PIK3IP1: variants seen among roughly 807,000 people sequenced by gnomAD.
The protein encoded by PIK3IP1 is phosphoinositide-3-kinase interacting protein 1.
A neutral mutation model predicts 30.7 loss-of-function variants in PIK3IP1; 28 were observed. The observed-to-expected ratio is 0.91, with a 90% confidence interval of 0.68 to 1.25. PIK3IP1 has a LOEUF of 1.25. Among genes scored for constraint, PIK3IP1 ranks in the 50% most tolerant of loss-of-function variants. PIK3IP1 has a pLI of 0.00. For synonymous variants in PIK3IP1, 159 were observed against 140.8 expected, an observed-to-expected ratio of 1.13 and a Z score of -0.91; for missense variants, 333 against 346.2, an observed-to-expected ratio of 0.96 and a Z score of 0.30.
chr22:31,283,418 G>A, intron 5 of PIK3IP1, 130 bp from the exon 6 acceptor site: 1 of 949,108 alleles, frequency 1.1e-6, no homozygotes, highest in Non-Finnish European at 1.6e-6. Flanking sequence ...GCTGAGCCAG[G>A]ACCCAAACTC....
intron 5 of PIK3IP1, among the ~76,000 whole-genome samples, chr22:31,286,524 G>C (rs1163151794): frequency 6.6e-6 from 1 of 152,194 alleles, no homozygotes; most frequent in Non-Finnish European, 1.5e-5. Context: ...TGATCTGGTC[G>C]TTAGTGACGG....
intron 5 of PIK3IP1, among the ~76,000 whole-genome samples, chr22:31,286,882 C>T (rs2049134461): frequency 6.6e-6 from 1 of 152,320 alleles, no homozygotes; most frequent in Non-Finnish European, 1.5e-5. Context: ...CCTGGACCTG[C>T]ATGTCAAGCA....
chr22:31,292,285 A>G lies in PIK3IP1; in HGVS notation c.60T>C (p.Tyr20=). 2 of 1,614,158 alleles carry G rather than the reference A, an allele frequency of 1.2e-6. No homozygotes were observed. The highest frequency in any genetic ancestry group is 1.7e-6 in the Non-Finnish European group (2 of 1,179,974). Residue 20 remains tyrosine (Y), a synonymous_variant, in exon 1 of 6, where the codon TAT becomes TAC. Transcript: ENST00000215912. ...AGATTGTAATCTCACCTCCAGATCC[A>G]TAGGCTTCTGCTAGGAGCATGTTGC... ...LVSNMLLAEA[Y]GSGGCFWDNG...
intron 1 of PIK3IP1, among the ~76,000 whole-genome samples, 173 bp from the exon 2 acceptor site, chr22:31,291,469 A>ACCCCCCCCCCCCCCCCCC (rs10558009): frequency 1.9e-5 from 2 of 104,692 alleles, no homozygotes; most frequent in African/African-American, 3.2e-5. Flanking sequence ...CGCCCCACGC[A>ACCCCCCCCCCCCCCCCCC]CCCCCCCCCC....
chr22:31,291,403 G>C (rs2049177836), intron 1 of PIK3IP1, 107 bp from the exon 2 acceptor site: 1 of 1,112,232 alleles, frequency 9.0e-7, no homozygotes, highest in Non-Finnish European at 1.3e-6. Flanking sequence ...CCTCAGCCTG[G>C]TTAGGGGACC....
At position 31,291,193 on chromosome 22, in the gene PIK3IP1, C is replaced by T. The variant is rs988343948; in HGVS notation, c.174G>A (p.Ser58=). 9.0e-6 allele frequency: 14 copies of T among 1,547,378 alleles called. No individual in the cohort carries two copies. The highest frequency in any genetic ancestry group is 1.2e-5 in the Non-Finnish European group (14 of 1,145,624). Residue 58 remains serine (S), a synonymous_variant, in exon 2 of 6, where the codon TCG becomes TCA. Transcript: ENST00000215912. The stretch of plus-strand genomic sequence containing the variant: ...GAGGACACTTACCCGACACGGGGGC[C>T]GAGGCCAGCCCGCTCTGCGCGTCCA... The part of the protein sequence containing the change: ...NWLDAQSGLA[S]APVSGAGNHS...
At chr22:31,288,143 G>A (rs144184706) in intron 5 of PIK3IP1, among the ~76,000 whole-genome samples, 99 of 152,206 alleles carry the variant, frequency 6.5e-4, no homozygotes, top group Non-Finnish European at 1.1e-3. Flanking sequence ...TTGGGAGGCT[G>A]AGGTAGGAGG....
In PIK3IP1 at chr22:31,289,620, C is replaced by G; in HGVS notation, c.387G>C (p.Gln129His). Residue 129 changes from glutamine to histidine, a missense_variant, in exon 4 of 6, where the codon CAG becomes CAC. Physicochemically the swap from Gln to His is conservative, Grantham distance 24. Around this residue, in one of 3 missense-constraint regions of PIK3IP1, gnomAD observed 217 missense variants for 227.7 expected, o/e 0.95. Coordinates refer to ENST00000215912, the MANE Select transcript of PIK3IP1 (RefSeq NM_052880.5). ...ASEGPGADEV[Q>H]VFAPANALPA... ...GCAGGGCGTTGGCAGGAGCGAACAC[C>G]TGCACCTCATCTGCACCTGGCCCTT... is the stretch of plus-strand genomic sequence containing the variant. 1 of 1,557,178 alleles carries G rather than the reference C, an allele frequency of 6.4e-7. No individual in the cohort carries two copies. The highest frequency in any genetic ancestry group is 8.7e-7 in the Non-Finnish European group (1 of 1,149,436).
intron 3 of PIK3IP1, 64 bp downstream of exon 3, chr22:31,290,901 C>G: frequency 3.4e-6 from 5 of 1,490,286 alleles, no homozygotes; most frequent in Middle Eastern, 2.4e-4. Context: ...ACGTGCGCCA[C>G]GAGTGTCTCA....
At chr22:31,284,407 G>A (rs1304263539) in intron 5 of PIK3IP1, among the ~76,000 whole-genome samples, 2 of 152,258 alleles carry the variant, frequency 1.3e-5, no homozygotes, top group Non-Finnish European at 2.9e-5. Flanking sequence ...GGTAAAGAAA[G>A]CAGATGCTGG....
chr22:31,289,314 C>G lies in PIK3IP1; in HGVS notation c.587+1G>C. 6.2e-7 allele frequency: 1 copy of G among 1,614,016 alleles called. No individual in the cohort carries two copies. Among genetic ancestry groups the G allele is most frequent in the Non-Finnish European group, 8.5e-7 (1 of 1,179,896 alleles). On this transcript the variant is annotated splice_donor_variant, in intron 5 of 5. Coordinates refer to ENST00000215912, the MANE Select transcript of PIK3IP1 (RefSeq NM_052880.5). LOFTEE classifies it high-confidence loss of function. ...GAGGGCCCAGAAGAGAAGCTACTGA[C>G]CTCTTGTAGGAGTAGCCCAAGATGA...
intron 5 of PIK3IP1, among the ~76,000 whole-genome samples, chr22:31,288,416 A>AAGGAAGGG (rs2049147567): frequency 9.7e-6 from 1 of 103,398 alleles, no homozygotes; most frequent in African/African-American, 4.0e-5. Flanking sequence ...AAGGGGAAGG[A>AAGGAAGGG]AGGAAGGGAG....
At chr22:31,290,878 A>C in intron 3 of PIK3IP1, 87 bp downstream of exon 3, 1 of 1,439,078 alleles carries the variant, frequency 6.9e-7, no homozygotes, top group South Asian at 1.5e-5. Context: ...GCCGGCCGGC[A>C]TCGCGCGGCC....
At chr22:31,288,374 G>GA (rs11284894) in intron 5 of PIK3IP1, among the ~76,000 whole-genome samples, 9 of 136,132 alleles carry the variant, frequency 6.6e-5, no homozygotes, top group East Asian at 2.1e-4. Context: ...GCGAGACCCT[G>GA]AAAAAAAAAA....
At chr22:31,287,014 CTTTTTTTTTTTTT>C (rs11427273) in intron 5 of PIK3IP1, among the ~76,000 whole-genome samples, 1 of 98,644 alleles carries the variant, frequency 1.0e-5, no homozygotes, top group Non-Finnish European at 2.0e-5. Context: ...CCATTACCCA[CTTTTTTTTTTTTT>C]TTTTTTTTTT....
chr22:31,291,469 A>AC (rs10558009), intron 1 of PIK3IP1, among the ~76,000 whole-genome samples, 173 bp from the exon 2 acceptor site: 1,530 of 104,592 alleles, frequency 0.015, 21 homozygotes, highest in South Asian at 0.027. Flanking sequence ...CGCCCCACGC[A>AC]CCCCCCCCCC....
At chr22:31,288,381 AAAAATC>A (rs1226095569) in intron 5 of PIK3IP1, among the ~76,000 whole-genome samples, 39 of 149,002 alleles carry the variant, frequency 2.6e-4, no homozygotes, top group African/African-American at 8.8e-4. Flanking sequence ...CCTGAAAAAA[AAAAATC>A]AAAGAAAGGA....
intron 5 of PIK3IP1, among the ~76,000 whole-genome samples, chr22:31,288,622 T>C (rs1275912382): frequency 6.6e-6 from 1 of 152,246 alleles, no homozygotes; most frequent in Admixed American, 6.5e-5. Context: ...TGGCTTACCA[T>C]CATGCACCAG....
chr22:31,286,533 G>A (rs867766933), intron 5 of PIK3IP1, among the ~76,000 whole-genome samples: 9 of 152,188 alleles, frequency 5.9e-5, no homozygotes, highest in Admixed American at 6.5e-5. Context: ...CGTTAGTGAC[G>A]GGGAGTCTGA....
Sources: allele counts gnomAD v4.1 joint callset (sites outside exome capture counted in the v4.1 genomes callset), GRCh38; gene constraint gnomAD v4.1.1; regional missense constraint gnomAD v4.1.1; transcripts MANE v1.5; gene names NCBI Gene and HGNC (gene_info 2026-07-23, HGNC 2026-07-21).